The following FRAS1 variants were observed in gnomAD, a reference collection of about 807,000 sequenced individuals.
FRAS1 encodes Fraser extracellular matrix complex subunit 1.
Under a neutral mutation model 435.2 loss-of-function variants are expected in FRAS1, and 290 were observed. The ratio of observed to expected loss-of-function variants is 0.67; its 90% CI spans 0.61 to 0.73. The LOEUF (loss-of-function observed/expected upper bound fraction) is 0.73. Ranked by LOEUF, FRAS1 falls within the 30% of genes least tolerant of loss-of-function variation. The pLI, the probability that FRAS1 is intolerant of heterozygous loss-of-function variation, is 0.00. For missense variants in FRAS1, 4,860 were observed against 5,001.5 expected (o/e 0.97, Z 0.85); for synonymous variants, 1,800 against 1,851.0 (o/e 0.97, Z 0.71).
intron 2 of FRAS1, among the ~76,000 whole-genome samples, chr4:78,193,342 C>T (rs1429840488): frequency 1.3e-5 from 2 of 152,110 alleles, no homozygotes; most frequent in South Asian, 2.1e-4. Context: ...CTTTCTGTCT[C>T]GTTGATCTGT....
intron 66 of FRAS1, among the ~76,000 whole-genome samples, chr4:78,517,458 G>C (rs1496605): frequency 0.68 from 103,419 of 152,162 alleles, 35,589 homozygotes; most frequent in African/African-American, 0.78. Context: ...ACAAGGATTT[G>C]TTATATATAA....
chr4:78,062,811 TC>T (rs1481837345), intron 1 of FRAS1, among the ~76,000 whole-genome samples: 2 of 152,206 alleles, frequency 1.3e-5, no homozygotes, highest in African/African-American at 4.8e-5. Flanking sequence ...GATCTGGGCT[TC>T]CTTCTTGACA....
Position 78,428,353 on chromosome 4 carries a change from C to T in FRAS1, c.4712-742C>T, listed in dbSNP as rs572105165. 3.6e-4 allele frequency among the ~76,000 whole-genome samples: 54 copies of T among 150,440 alleles called. 1 individual carries two copies. The highest frequency in any genetic ancestry group is 1.3e-3 in the African/African-American group (53 of 40,748). On this transcript the variant is annotated intron_variant, in intron 35 of 73. Transcript: ENST00000512123. ...TCTTTTTTTTTTTGAGACGAAGTCT[C>T]GCTGTATCGCCCAGGCTGGAGTGCA... is the stretch of plus-strand genomic sequence containing the variant.
At chr4:78,096,963 G>A (rs561785215) in intron 2 of FRAS1, among the ~76,000 whole-genome samples, 113 of 152,324 alleles carry the variant, frequency 7.4e-4, no homozygotes, top group Non-Finnish European at 1.4e-3. Context: ...TTGTCAGGCT[G>A]AAAATTTTCT....
intron 2 of FRAS1, among the ~76,000 whole-genome samples, chr4:78,115,626 T>C (rs537567965): frequency 4.6e-5 from 7 of 152,222 alleles, no homozygotes; most frequent in African/African-American, 1.7e-4. Context: ...TAGAGGTGTT[T>C]ATAGTATTCT....
chr4:78,179,067 C>T (rs970233649), intron 2 of FRAS1, among the ~76,000 whole-genome samples: 2 of 152,176 alleles, frequency 1.3e-5, no homozygotes, highest in African/African-American at 4.8e-5. Flanking sequence ...AATAGGGCTA[C>T]TCACGTATCA....
chr4:78,441,349 G>A, intron 41 of FRAS1, 52 bp downstream of exon 41: 2 of 1,541,788 alleles, frequency 1.3e-6, no homozygotes, highest in Non-Finnish European at 1.8e-6. Flanking sequence ...GAGGGGAGAG[G>A]GAGGAGGACC....
At chr4:78,261,265 TAA>T (rs1485816265) in intron 6 of FRAS1, among the ~76,000 whole-genome samples, 1 of 152,170 alleles carries the variant, frequency 6.6e-6, no homozygotes, top group East Asian at 1.9e-4. Flanking sequence ...TTCTGTTTGA[TAA>T]AGTCTGAATA....
rs1722989440 is a variant in FRAS1 at position 78,200,147 on chromosome 4, G to A, written c.109-37363G>A. Reference sequence around the variant, plus strand: ...CTTGTCTAATGGCTGGAGTCATGTGGATCTGATACTGGATGATGAAATGTT... The same window carrying A: ...CTTGTCTAATGGCTGGAGTCATGTGAATCTGATACTGGATGATGAAATGTT... On this transcript the variant is annotated intron_variant, in intron 2 of 73. Coordinates refer to ENST00000512123, the MANE Select transcript of FRAS1 (RefSeq NM_025074.7). Among the ~76,000 whole-genome samples, 3 of 152,172 alleles carry A rather than the reference G, an allele frequency of 2.0e-5. No individual in the cohort carries two copies. The South Asian group carries it at 6.2e-4, about 32-fold the overall frequency.
intron 21 of FRAS1, 65 bp from the exon 22 acceptor site, chr4:78,363,843 T>C: frequency 6.5e-7 from 1 of 1,546,302 alleles, no homozygotes; most frequent in African/African-American, 1.4e-5. Flanking sequence ...TACCCACACT[T>C]GGGGTGCTGC....
intron 14 of FRAS1, among the ~76,000 whole-genome samples, chr4:78,289,022 C>T (rs189776423): frequency 6.6e-6 from 1 of 152,268 alleles, no homozygotes; most frequent in African/African-American, 2.4e-5. Context: ...ACTTTATTGG[C>T]CCATTAAAAC....
At position 78,446,864 on chromosome 4, in the gene FRAS1, A is replaced by G. The variant is rs1385895160; in HGVS notation, c.5994A>G (p.Thr1998=). The part of the protein sequence containing the change: ...TPDNELIFVL[T]KKPDHGHVLW... Reference sequence around the variant, plus strand: ...ATAATGAGCTCATTTTTGTATTGACAAAAAAGCCTGACCACGGTAGGGCAC... The same window carrying G: ...ATAATGAGCTCATTTTTGTATTGACGAAAAAGCCTGACCACGGTAGGGCAC... Residue 1998 remains threonine (T), a synonymous_variant, in exon 43 of 74, where the codon ACA becomes ACG. Transcript: ENST00000512123. 1.2e-6 allele frequency: 2 copies of G among 1,609,592 alleles called. No homozygotes were observed. Among genetic ancestry groups the G allele is most frequent in the Non-Finnish European group, 1.7e-6 (2 of 1,177,870 alleles).
intron 47 of FRAS1, among the ~76,000 whole-genome samples, chr4:78,460,778 A>G (rs944844846): frequency 6.6e-6 from 1 of 152,196 alleles, no homozygotes; most frequent in Non-Finnish European, 1.5e-5. Context: ...GTATCTGCAC[A>G]TATCTACACA....
chr4:78,262,851 T>G (rs969000482), intron 6 of FRAS1, among the ~76,000 whole-genome samples: 18 of 152,130 alleles, frequency 1.2e-4, no homozygotes, highest in African/African-American at 4.1e-4. Context: ...TTGGCAAACT[T>G]TTTCCATAAA....
intron 69 of FRAS1, 52 bp downstream of exon 69, chr4:78,522,860 T>C (rs1254833841): frequency 6.8e-7 from 1 of 1,467,028 alleles, no homozygotes; most frequent in Non-Finnish European, 9.1e-7. Flanking sequence ...GTTTTCCATT[T>C]CTTTCAGGAG....
chr4:78,384,193 C>CAAGCACG (rs770300752), intron 28 of FRAS1, 50 bp downstream of exon 28: 1 of 1,223,650 alleles, frequency 8.2e-7, no homozygotes, highest in East Asian at 2.5e-5. Flanking sequence ...TACTAGTTCT[C>CAAGCACG]AAGCACGAAA....
intron 2 of FRAS1, among the ~76,000 whole-genome samples, chr4:78,215,691 A>G (rs939991478): frequency 6.6e-6 from 1 of 152,226 alleles, no homozygotes; most frequent in Admixed American, 6.5e-5. Context: ...ATCTCATATA[A>G]GTGGAACCAT....
intron 2 of FRAS1, among the ~76,000 whole-genome samples, chr4:78,189,951 C>G (rs1170878108): frequency 6.6e-6 from 1 of 152,190 alleles, no homozygotes; most frequent in Non-Finnish European, 1.5e-5. Context: ...AAACCTATTC[C>G]AAAAATTTTT....
At chr4:78,370,836 G>A (rs1049674783) in intron 23 of FRAS1, among the ~76,000 whole-genome samples, 10 of 152,186 alleles carry the variant, frequency 6.6e-5, no homozygotes, top group Non-Finnish European at 1.5e-4. Flanking sequence ...CAACAGGAAA[G>A]CAAAGGTAAA....
Sources: gnomAD v4.1 joint callset for allele counts (sites outside exome capture counted in the v4.1 genomes callset) on GRCh38, gnomAD v4.1.1 for gene constraint, MANE v1.5 for transcripts, NCBI Gene and HGNC (gene_info 2026-07-23, HGNC 2026-07-21) for gene names.